The following HIPK2 variants were observed in gnomAD, a reference collection of about 807,000 sequenced individuals.
HIPK2 encodes homeodomain interacting protein kinase 2, also known as homeodomain-interacting protein kinase 2.
Under a neutral mutation model 113.7 loss-of-function variants are expected in HIPK2, and 27 were observed. The observed-to-expected ratio is 0.24, with a 90% CI of 0.17 to 0.33. HIPK2 has a LOEUF of 0.33. Ranked by LOEUF, HIPK2 falls within the 10% of genes least tolerant of loss-of-function variation. HIPK2 has a pLI of 1.00. For synonymous variants in HIPK2, 631 were observed against 642.2 expected (o/e 0.98, Z 0.26); for missense variants, 1,257 against 1,588.0 (o/e 0.79, Z 3.54).
At chr7:139,635,176 C>T (rs1012864927) in intron 2 of HIPK2, among the ~76,000 whole-genome samples, 4 of 152,194 alleles carry the variant, frequency 2.6e-5, no homozygotes, top group Non-Finnish European at 5.9e-5. Flanking sequence ...TCACCTCTGT[C>T]CCCCGATTCT....
intron 1 of HIPK2, among the ~76,000 whole-genome samples, chr7:139,772,254 T>C (rs538396967): frequency 1.8e-3 from 275 of 152,268 alleles, no homozygotes; most frequent in African/African-American, 6.3e-3. Flanking sequence ...CTACCTGGAA[T>C]ACAAGGTCTC....
At chr7:139,644,585 T>C (rs1012288482) in intron 2 of HIPK2, among the ~76,000 whole-genome samples, 3 of 152,230 alleles carry the variant, frequency 2.0e-5, no homozygotes, top group African/African-American at 7.2e-5. Flanking sequence ...TCATGGATCC[T>C]TTTGTTGACT....
intron 1 of HIPK2, among the ~76,000 whole-genome samples, chr7:139,735,603 C>T (rs1795913505): frequency 6.6e-6 from 1 of 152,176 alleles, no homozygotes; most frequent in Non-Finnish European, 1.5e-5. Context: ...TTCAGGTCAA[C>T]AGGACGAGAT....
At chr7:139,591,722 A>G (rs1343351405) in intron 12 of HIPK2, among the ~76,000 whole-genome samples, 1 of 152,254 alleles carries the variant, frequency 6.6e-6, no homozygotes, top group Non-Finnish European at 1.5e-5. Flanking sequence ...GATGAGTCAC[A>G]TGACTGAAAT....
At chr7:139,724,930 T>A (rs1042697093) in intron 1 of HIPK2, among the ~76,000 whole-genome samples, 3 of 151,982 alleles carry the variant, frequency 2.0e-5, no homozygotes, top group African/African-American at 7.3e-5. Context: ...ATATACACCA[T>A]GGAATACTAT....
chr7:139,571,967 T>C lies in HIPK2; in HGVS notation c.*960A>G, dbSNP rs545055411. ...TATCGCTTTTTTTTGTGCAATTACA[T>C]TGAGGAATATTCTATTGGTATCATT... is the stretch of plus-strand genomic sequence containing the variant. On this transcript the variant is annotated 3_prime_UTR_variant, in exon 15 of 15. Transcript: ENST00000406875. The C allele has an allele frequency of 6.6e-6, 1 of 152,196 alleles. No individual in the cohort carries two copies. The highest frequency in any genetic ancestry group is 1.5e-5 in the Non-Finnish European group (1 of 68,032). The allele number at this position is 152,196 out of a possible 1,614,324, so 9.4% of individuals were successfully genotyped here.
At chr7:139,703,792 C>T (rs1794786956) in intron 2 of HIPK2, among the ~76,000 whole-genome samples, 1 of 135,872 alleles carries the variant, frequency 7.4e-6, no homozygotes, top group Non-Finnish European at 1.6e-5. Context: ...ACACACCACA[C>T]ACACACCCCA....
At chr7:139,643,714 A>G (rs2116399601) in intron 2 of HIPK2, among the ~76,000 whole-genome samples, 1 of 152,364 alleles carries the variant, frequency 6.6e-6, no homozygotes, top group African/African-American at 2.4e-5. Flanking sequence ...AAGAAAAGCA[A>G]GAAGGGAAGG....
rs1266072553 is a variant in HIPK2 at position 139,572,601 on chromosome 7, G to A, written c.*326C>T. The A allele has an allele frequency of 4.2e-6, 1 of 236,520 alleles. No individual in the cohort carries two copies. The highest frequency in any genetic ancestry group is 5.3e-5 in the Admixed American group (1 of 18,886). The allele number at this position is 236,520 out of a possible 1,614,324, so 14.7% of individuals were successfully genotyped here. A position where few individuals can be genotyped will look rare whatever the true frequency, so the allele number is the denominator to read the frequency against. On this transcript the variant is annotated 3_prime_UTR_variant, in exon 15 of 15. Coordinates refer to ENST00000406875, the MANE Select transcript of HIPK2 (RefSeq NM_022740.5). ...AATGGGTTCTTGAGCTGGGTTTTTT[G>A]TTATTGACTTTTTTTTTTTCCTTTT...
intron 12 of HIPK2, 175 bp downstream of exon 12, chr7:139,596,541 GA>G: frequency 2.6e-6 from 1 of 384,164 alleles, no homozygotes; most frequent in Non-Finnish European, 3.6e-6. Flanking sequence ...AACAATTATG[GA>G]AAACCTGTTT....
chr7:139,610,693 A>G (rs1799785390), intron 9 of HIPK2, among the ~76,000 whole-genome samples: 1 of 152,222 alleles, frequency 6.6e-6, no homozygotes, highest in Non-Finnish European at 1.5e-5. Flanking sequence ...GTTCCGGAAA[A>G]CAGAATAGAT....
chr7:139,716,824 A>G lies in HIPK2; in HGVS notation c.211T>C (p.Leu71=), dbSNP rs768154166. 1.2e-6 allele frequency: 2 copies of G among 1,613,872 alleles called. No individual in the cohort carries two copies. Among genetic ancestry groups the G allele is most frequent in the South Asian group, 1.1e-5 (1 of 91,084 alleles). ...GGTAGGCTTGGGTTTGGGACCGGCA[A>G]GGAGGTGCTGACGGTTGTGGTGGCT... ...QPATTTVSTS[L]PVPNPSLPYE... Residue 71 remains leucine, a synonymous_variant, in exon 2 of 15, where the codon TTG becomes CTG. Transcript: ENST00000406875. The surrounding 1 kb of genome is among the most constrained non-coding windows in gnomAD (Gnocchi z 9.3).
At chr7:139,646,609 T>C (rs112878733) in intron 2 of HIPK2, among the ~76,000 whole-genome samples, 1 of 152,292 alleles carries the variant, frequency 6.6e-6, no homozygotes, top group East Asian at 1.9e-4. Context: ...TGGGGCCTCT[T>C]TGTAGTCCAA....
At chr7:139,688,830 C>T (rs893299220) in intron 2 of HIPK2, among the ~76,000 whole-genome samples, 6 of 152,052 alleles carry the variant, frequency 3.9e-5, no homozygotes, top group Non-Finnish European at 5.9e-5. Flanking sequence ...ATTCTGCCTG[C>T]ATGTGAATTT....
intron 2 of HIPK2, among the ~76,000 whole-genome samples, chr7:139,704,150 C>A (rs1794812378): frequency 7.3e-6 from 1 of 136,260 alleles, no homozygotes; most frequent in African/African-American, 2.8e-5. Context: ...CACACCATAC[C>A]CAACACATAC....
chr7:139,718,059 T>C (rs549899539), intron 1 of HIPK2, among the ~76,000 whole-genome samples: 1 of 152,312 alleles, frequency 6.6e-6, no homozygotes, highest in Non-Finnish European at 1.5e-5. Flanking sequence ...TACTATTATT[T>C]CATACCAACA....
intron 6 of HIPK2, among the ~76,000 whole-genome samples, chr7:139,622,539 T>C (rs1800270326): frequency 6.6e-6 from 1 of 152,208 alleles, no homozygotes; most frequent in South Asian, 2.1e-4. Flanking sequence ...AAAGGGCAAG[T>C]CCTTTCACTT....
intron 6 of HIPK2, among the ~76,000 whole-genome samples, chr7:139,624,658 T>C (rs1800362860): frequency 6.6e-6 from 1 of 152,224 alleles, no homozygotes; most frequent in African/African-American, 2.4e-5. Context: ...CCACGTTTAC[T>C]TGGATCCCCT....
chr7:139,651,886 A>G (rs1396781573), intron 2 of HIPK2, among the ~76,000 whole-genome samples: 1 of 152,192 alleles, frequency 6.6e-6, no homozygotes, highest in Non-Finnish European at 1.5e-5. Context: ...TCTTCGTTAT[A>G]TAAGACCTCC....
Sources: gnomAD v4.1 joint callset for allele counts (sites outside exome capture counted in the v4.1 genomes callset) on GRCh38, gnomAD v4.1.1 for gene constraint, Gnocchi (gnomAD v3.1) non-coding constraint, MANE v1.5 for transcripts, NCBI Gene and HGNC (gene_info 2026-07-23, HGNC 2026-07-21) for gene names.